The following PIK3C2B variants were observed in gnomAD, a reference collection of about 807,000 sequenced individuals.
The protein encoded by PIK3C2B is phosphatidylinositol 4-phosphate 3-kinase C2 domain-containing subunit beta.
PIK3C2B carries 83 observed loss-of-function variants against 184.3 expected under a neutral mutation model. The ratio of observed to expected loss-of-function variants is 0.45; its 90% CI spans 0.38 to 0.54. PIK3C2B has a LOEUF of 0.54. Ranked by LOEUF, PIK3C2B falls within the 20% of genes least tolerant of loss-of-function variation. The pLI is 0.00. For synonymous variants in PIK3C2B, 779 were observed against 837.6 expected (o/e 0.93, Z 1.21); for missense variants, 1,736 against 2,113.5 (o/e 0.82, Z 3.50).
chr1:204,424,779 G>T lies in PIK3C2B; in HGVS notation c.*73C>A. 1 of 1,471,702 alleles carries T rather than the reference G, an allele frequency of 6.8e-7. No homozygotes were observed. The highest frequency in any genetic ancestry group is 9.5e-7 in the Non-Finnish European group (1 of 1,050,888). The allele number at this position is 1,471,702 out of a possible 1,614,324, so 91.2% of individuals were successfully genotyped here. A position where few individuals can be genotyped will look rare whatever the true frequency, so the allele number is the denominator to read the frequency against. ...GGGCCCTGGCCCTTCACAAGGAGGAGTCTCACAGGGGAGAGTCCTCTCCCC... is the reference window on the plus strand; with the variant it reads ...GGGCCCTGGCCCTTCACAAGGAGGATTCTCACAGGGGAGAGTCCTCTCCCC... On this transcript the variant is annotated 3_prime_UTR_variant, in exon 33 of 33. Coordinates refer to ENST00000684373, the MANE Select transcript of PIK3C2B (RefSeq NM_001377334.1).
At chr1:204,470,318 C>T (rs1434095549) in intron 1 of PIK3C2B, among the ~76,000 whole-genome samples, 1 of 152,180 alleles carries the variant, frequency 6.6e-6, no homozygotes, top group Admixed American at 6.5e-5. Context: ...CAGGCGCCCA[C>T]CACTGCGCCC....
At chr1:204,458,852 A>C (rs2999487) in intron 8 of PIK3C2B, among the ~76,000 whole-genome samples, 141,257 of 152,168 alleles carry the variant, frequency 0.93, 66,493 homozygotes, top group East Asian at 1. Context: ...AAGGGCCAGA[A>C]CAGCACAGCA....
intron 1 of PIK3C2B, among the ~76,000 whole-genome samples, chr1:204,492,941 G>A (rs571867428): frequency 1.7e-4 from 26 of 152,290 alleles, no homozygotes; most frequent in Admixed American, 8.5e-4. Context: ...GATGCTGGCT[G>A]CCAAGCAGAG....
rs919155654 is a variant in PIK3C2B, at chr1:204,494,706, C to T, written c.-435G>A. 2 of 152,320 alleles carry T rather than the reference C, an allele frequency of 1.3e-5. 1 individual carries two copies. The highest frequency in any genetic ancestry group is 2.9e-5 in the Non-Finnish European group (2 of 68,130). 9.4% of individuals were successfully genotyped at this position (152,320 alleles called of 1,614,324 possible). On this transcript the variant is annotated 5_prime_UTR_variant, in exon 1 of 33. Transcript: ENST00000684373. ...GCGGGCGAGAGAGGGGAAGCCATCTCCCGGACACCCGGCGCACTGCACGGC... is the reference window on the plus strand; with the variant it reads ...GCGGGCGAGAGAGGGGAAGCCATCTTCCGGACACCCGGCGCACTGCACGGC...
intron 1 of PIK3C2B, among the ~76,000 whole-genome samples, chr1:204,491,233 C>CA (rs1282422603): frequency 6.6e-6 from 1 of 150,760 alleles, no homozygotes; most frequent in Non-Finnish European, 1.5e-5. Context: ...ACTAAAAATA[C>CA]AAAAAATTAG....
chr1:204,455,836 C>T lies in PIK3C2B; in HGVS notation c.1943+20G>A. 2 of 1,588,508 alleles carry T rather than the reference C, an allele frequency of 1.3e-6. No individual in the cohort carries two copies. The highest frequency in any genetic ancestry group is 2.3e-5 in the South Asian group (2 of 87,798). ...TCAAACTCAGCTTGCTCCCTAGCGG[C>T]TACTCAGCCCTGGGCTCACCTGGTA... On this transcript the variant is annotated intron_variant, in intron 11 of 32. Coordinates refer to ENST00000684373, the MANE Select transcript of PIK3C2B (RefSeq NM_001377334.1).
At position 204,460,372 on chromosome 1, in the gene PIK3C2B, T is replaced by C; in HGVS notation, c.1454A>G (p.Asn485Ser). 6.2e-7 allele frequency: 1 copy of C among 1,614,008 alleles called. No individual in the cohort carries two copies. The highest frequency in any genetic ancestry group is 8.5e-7 in the Non-Finnish European group (1 of 1,179,918). ...CCTCTCTTGGAGATGGACGAGGTAG[T>C]TCAAGGTGGAGGGGCTCTGGTCATC... Reference protein sequence around the residue: ...VNDDQSPSTLNYLVHLQERPV... With the variant: ...VNDDQSPSTLSYLVHLQERPV... The change falls in exon 7 of 33, where the codon AAC (asparagine) becomes AGC (serine). Residue 485 changes from asparagine to serine, a missense_variant. Physicochemically the swap from Asn to Ser is conservative, Grantham distance 46. Transcript: ENST00000684373.
intron 1 of PIK3C2B, among the ~76,000 whole-genome samples, chr1:204,487,817 C>T (rs1657728799): frequency 1.3e-5 from 2 of 152,168 alleles, no homozygotes; most frequent in African/African-American, 4.8e-5. Flanking sequence ...GATTACCCCA[C>T]TCCATGAAGA....
At chr1:204,468,766 G>A in intron 2 of PIK3C2B, 104 bp downstream of exon 2, 1 of 1,062,330 alleles carries the variant, frequency 9.4e-7, no homozygotes, top group Non-Finnish European at 1.4e-6. Flanking sequence ...GAGGCCTAAA[G>A]GGGTAAGGAC....
chr1:204,441,484 C>A lies in PIK3C2B; in HGVS notation c.3236G>T (p.Arg1079Leu). The change falls in exon 21 of 33, where the codon CGT becomes CTT. Residue 1079 changes from arginine to leucine, a missense_variant. Arg to Leu is a moderately radical substitution (Grantham distance 102). This residue lies in a region of PIK3C2B where 289 missense variants were observed against 380.4 expected (regional missense o/e 0.76). Coordinates refer to ENST00000684373, the MANE Select transcript of PIK3C2B (RefSeq NM_001377334.1). ...AAGTATTCTCACCTTGAAGATGACA[C>A]GGATGTTCTCACCCAGGGGATCCAC... ...QNVDPLGENIRVIFKCGDDLR... is the reference protein window; with the variant it reads ...QNVDPLGENILVIFKCGDDLR... 6.2e-7 allele frequency: 1 copy of A among 1,609,366 alleles called. No homozygotes were observed. Among genetic ancestry groups the A allele is most frequent in the Non-Finnish European group, 8.5e-7 (1 of 1,175,828 alleles).
intron 23 of PIK3C2B, 83 bp downstream of exon 23, chr1:204,438,846 TGAGCAA>T: frequency 1.4e-6 from 2 of 1,448,918 alleles, no homozygotes; most frequent in East Asian, 2.3e-5. Flanking sequence ...CTGTCCTCTC[TGAGCAA>T]GTGCAGGTCT....
rs201034887 is a variant in PIK3C2B at position 204,455,869 on chromosome 1, T to G, written c.1930A>C (p.Ile644Leu). ...CCCTGGGCTCACCTGGTAGCCCAGATGATGGGGATGCGGTGGGTGGCATAG... is the reference window on the plus strand; with the variant it reads ...CCCTGGGCTCACCTGGTAGCCCAGAGGATGGGGATGCGGTGGGTGGCATAG... ...TVYATHRIPI[I>L]WATSYEDFYL... is the part of the protein sequence containing the mutation. Residue 644 changes from isoleucine to leucine, a missense_variant, in exon 11 of 33, where the codon ATC becomes CTC. By Grantham distance (5) the Ile-to-Leu change is conservative. This residue lies in a region of PIK3C2B where 609 missense variants were observed against 699.2 expected (regional missense o/e 0.87). Transcript: ENST00000684373. The G allele has an allele frequency of 3.7e-6, 6 of 1,611,936 alleles. No individual in the cohort carries two copies. The East Asian group carries it at 1.1e-4, about 30-fold the overall frequency.
chr1:204,469,193 C>T lies in PIK3C2B; in HGVS notation c.610G>A (p.Glu204Lys). ...TCTTCCTCTTCTAGGATCCGATGCT[C>T]TAGCAGTTTGCCCGGCAATTGTTCG... ...LVEQLPGKLL[E>K]HRILEEEEVL... The change falls in exon 2 of 33, where the codon GAG (glutamate) becomes AAG (lysine). Residue 204 changes from glutamate (E) to lysine (K), a missense_variant. Transcript: ENST00000684373. 5.6e-6 allele frequency: 9 copies of T among 1,612,688 alleles called. No individual in the cohort carries two copies. Among genetic ancestry groups the T allele is most frequent in the Non-Finnish European group, 7.6e-6 (9 of 1,179,074 alleles).
At chr1:204,454,516 A>T in intron 12 of PIK3C2B, 153 bp downstream of exon 12, 2 of 595,722 alleles carry the variant, frequency 3.4e-6, no homozygotes, top group Non-Finnish European at 5.6e-6. Context: ...AGGGAAGTGG[A>T]GACTCAAGAG....
At position 204,424,836 on chromosome 1, in the gene PIK3C2B, G is replaced by A. The variant is rs1558225128; in HGVS notation, c.*16C>T. On this transcript the variant is annotated 3_prime_UTR_variant, in exon 33 of 33. Transcript: ENST00000684373. ...CTGCCACCAGCCTGGGATGCTGGGT[G>A]GTGGCTCTGCTGGGCTCACAAGGTG... 1 of 1,612,744 alleles carries A rather than the reference G, an allele frequency of 6.2e-7. No individual in the cohort carries two copies. The highest frequency in any genetic ancestry group is 8.5e-7 in the Non-Finnish European group (1 of 1,178,896).
At chr1:204,440,977 A>G (rs925830881) in intron 21 of PIK3C2B, among the ~76,000 whole-genome samples, 4 of 152,220 alleles carry the variant, frequency 2.6e-5, no homozygotes, top group African/African-American at 4.8e-5. Context: ...TAGCAAATAT[A>G]TAAGTTACTA....
intron 9 of PIK3C2B, 88 bp from the exon 10 acceptor site, chr1:204,457,158 A>G: frequency 8.7e-7 from 1 of 1,147,452 alleles, no homozygotes; most frequent in Non-Finnish European, 1.3e-6. Flanking sequence ...AGCTGCGCTC[A>G]TCTGGACCAG....
Position 204,449,253 on chromosome 1 carries a change from T to C in PIK3C2B, c.2278A>G (p.Thr760Ala). The part of the protein sequence containing the change: ...GRKLLGLWPA[T>A]QENPSARWSA... ...CAACGGGCGCTGGGATTTTCCTGTG[T>C]TGCTGGCCACAAACCCAGAAGCTTC... The change falls in exon 14 of 33, where the codon ACA becomes GCA. Residue 760 changes from threonine (T) to alanine (A), a missense_variant. Thr to Ala is a moderately conservative substitution (Grantham distance 58, BLOSUM62 0). This residue lies in a region of PIK3C2B where 609 missense variants were observed against 699.2 expected (regional missense o/e 0.87). Transcript: ENST00000684373. The C allele has an allele frequency of 4.3e-6, 7 of 1,613,052 alleles. No individual in the cohort carries two copies. Among genetic ancestry groups the C allele is most frequent in the Non-Finnish European group, 5.9e-6 (7 of 1,179,728 alleles).
chr1:204,469,663 T>C lies in PIK3C2B; in HGVS notation c.140A>G (p.Asn47Ser). The change falls in exon 2 of 33, where the codon AAC (asparagine) becomes AGC (serine). Residue 47 changes from asparagine (N) to serine (S), a missense_variant. Asn to Ser is a conservative substitution (Grantham distance 46). This residue lies in a region of PIK3C2B where 404 missense variants were observed against 418.0 expected (regional missense o/e 0.97). Transcript: ENST00000684373. ...LSRLRHDKEE[N>S]RAKQNADPSL... is the part of the protein sequence containing the mutation. ...GGGGTCTGCGTTCTGCTTGGCTCTG[T>C]TCTCCTCCTTGTCATGCCGGAGCCG... 1 of 1,614,066 alleles carries C rather than the reference T, an allele frequency of 6.2e-7. No homozygotes were observed. The highest frequency in any genetic ancestry group is 2.2e-5 in the East Asian group (1 of 44,870).
Sources: allele counts gnomAD v4.1 joint callset (sites outside exome capture counted in the v4.1 genomes callset), GRCh38; gene constraint gnomAD v4.1.1; regional missense constraint gnomAD v4.1.1; transcripts MANE v1.5; gene names NCBI Gene and HGNC (gene_info 2026-07-23, HGNC 2026-07-21).